CSMD1: variants seen among roughly 807,000 people sequenced by gnomAD.
CSMD1 encodes the protein CUB and Sushi multiple domains 1.
A neutral mutation model predicts 417.5 loss-of-function variants in CSMD1; 213 were observed. The ratio of observed to expected loss-of-function variants is 0.51; its 90% confidence interval spans 0.46 to 0.57. The LOEUF (loss-of-function observed/expected upper bound fraction) is 0.57. CSMD1 is among the 20% of genes least tolerant of loss of function. CSMD1 has a pLI of 0.00. For missense variants in CSMD1, 6,923 were observed against 4,529.7 expected (o/e 1.53, Z -15.17); for synonymous variants, 2,862 against 1,736.8 (o/e 1.65, Z -16.11).
chr8:3,933,719 G>A (rs369842288), intron 5 of CSMD1, among the ~76,000 whole-genome samples: 10 of 152,194 alleles, frequency 6.6e-5, no homozygotes, highest in South Asian at 6.2e-4. Flanking sequence ...GCAAAATTAC[G>A]TTCAAAAATC....
At chr8:3,394,054 A>ATATATATG (rs1563342476) in intron 17 of CSMD1, among the ~76,000 whole-genome samples, 23 of 127,602 alleles carry the variant, frequency 1.8e-4, no homozygotes, top group Non-Finnish European at 2.9e-4. Context: ...ATATATATAT[A>ATATATATG]TAGAAAAAAA....
At chr8:3,399,014 C>T (rs969822330) in intron 16 of CSMD1, among the ~76,000 whole-genome samples, 3 of 152,172 alleles carry the variant, frequency 2.0e-5, no homozygotes, top group Admixed American at 6.5e-5. Context: ...AACAGGAGAG[C>T]TGATTTCCTC....
At chr8:4,372,011 G>T (rs749954878) in intron 3 of CSMD1, among the ~76,000 whole-genome samples, 1 of 152,164 alleles carries the variant, frequency 6.6e-6, no homozygotes, top group African/African-American at 2.4e-5. Flanking sequence ...GAGTTCAAAG[G>T]TTCAGCACGA....
intron 6 of CSMD1, among the ~76,000 whole-genome samples, chr8:3,717,528 G>A (rs556169275): frequency 6.6e-6 from 1 of 152,276 alleles, no homozygotes; most frequent in East Asian, 1.9e-4. Flanking sequence ...ACATGGCCAT[G>A]AAAGATTAGG....
At chr8:4,765,788 G>C (rs1228680699) in intron 1 of CSMD1, among the ~76,000 whole-genome samples, 2 of 152,144 alleles carry the variant, frequency 1.3e-5, no homozygotes, top group African/African-American at 2.4e-5. Context: ...AGAGAGCCTG[G>C]GGGTTGATGA....
intron 3 of CSMD1, among the ~76,000 whole-genome samples, chr8:4,091,664 A>G (rs1300455526): frequency 6.6e-6 from 1 of 152,210 alleles, no homozygotes; most frequent in East Asian, 1.9e-4. Context: ...TTCAAAATCA[A>G]TGCTCACTCC....
intron 1 of CSMD1, among the ~76,000 whole-genome samples, chr8:4,667,623 G>T (rs1191227180): frequency 6.6e-6 from 1 of 151,872 alleles, no homozygotes; most frequent in Non-Finnish European, 1.5e-5. Context: ...GAACGCTATT[G>T]CATATGGGAT....
chr8:4,201,212 A>G (rs1799624588), intron 3 of CSMD1, among the ~76,000 whole-genome samples: 1 of 152,198 alleles, frequency 6.6e-6, no homozygotes, highest in Non-Finnish European at 1.5e-5. Flanking sequence ...AATACATGGC[A>G]CAAAGAAAAT....
At chr8:4,723,200 C>T (rs1014036310) in intron 1 of CSMD1, among the ~76,000 whole-genome samples, 1 of 152,088 alleles carries the variant, frequency 6.6e-6, no homozygotes, top group African/African-American at 2.4e-5. Context: ...GCCAGGAAGT[C>T]ATAGAGTATA....
chr8:4,207,325 G>C (rs978424266), intron 3 of CSMD1, among the ~76,000 whole-genome samples: 1 of 152,088 alleles, frequency 6.6e-6, no homozygotes, highest in Admixed American at 6.6e-5. Flanking sequence ...TAGTGGCTAG[G>C]ACTCGTAATT....
intron 5 of CSMD1, among the ~76,000 whole-genome samples, chr8:3,776,823 T>TATATATATATATATATATAC (rs1173402964): frequency 5.3e-5 from 8 of 151,152 alleles, no homozygotes; most frequent in African/African-American, 2.0e-4. Context: ...TATATATATA[T>TATATATATATATATATATAC]ACAGATGACA....
At chr8:4,632,351 A>T (rs2011137) in intron 2 of CSMD1, among the ~76,000 whole-genome samples, 78,279 of 151,230 alleles carry the variant, frequency 0.52, 21,157 homozygotes, top group Admixed American at 0.67. Context: ...CGTCTCTACT[A>T]AAAATAAAAA....
intron 10 of CSMD1, among the ~76,000 whole-genome samples, chr8:3,494,251 T>A (rs1420673306): frequency 6.6e-6 from 1 of 152,190 alleles, no homozygotes; most frequent in Non-Finnish European, 1.5e-5. Flanking sequence ...TTTGTTTTTT[T>A]ACAAAGAATA....
chr8:4,559,159 C>A (rs947583446), intron 2 of CSMD1, among the ~76,000 whole-genome samples: 4 of 152,082 alleles, frequency 2.6e-5, no homozygotes, highest in African/African-American at 9.7e-5. Context: ...AAGATCTGGT[C>A]TTTGTATTAT....
At chr8:4,169,662 G>A (rs1337428839) in intron 3 of CSMD1, among the ~76,000 whole-genome samples, 1 of 152,106 alleles carries the variant, frequency 6.6e-6, no homozygotes, top group Admixed American at 6.5e-5. Flanking sequence ...GAGAGCCAAC[G>A]CCGGAAGAGC....
At chr8:4,215,413 C>A (rs915367422) in intron 3 of CSMD1, among the ~76,000 whole-genome samples, 5 of 152,206 alleles carry the variant, frequency 3.3e-5, no homozygotes, top group African/African-American at 9.6e-5. Context: ...GATACCATGT[C>A]TGAATCATTA....
chr8:3,453,399 A>T (rs1815882282), intron 12 of CSMD1, among the ~76,000 whole-genome samples: 1 of 151,462 alleles, frequency 6.6e-6, no homozygotes, highest in East Asian at 1.9e-4. Flanking sequence ...TTTAATTGTG[A>T]TGTTAGGATG....
At chr8:4,277,911 CTAAT>C (rs1219906398) in intron 3 of CSMD1, among the ~76,000 whole-genome samples, 1 of 152,028 alleles carries the variant, frequency 6.6e-6, no homozygotes, top group African/African-American at 2.4e-5. Flanking sequence ...CCATCCCCGG[CTAAT>C]TTTTTTGTAT....
At chr8:4,251,334 A>G (rs1803057512) in intron 3 of CSMD1, among the ~76,000 whole-genome samples, 1 of 152,176 alleles carries the variant, frequency 6.6e-6, no homozygotes, top group South Asian at 2.1e-4. Flanking sequence ...ATTATGCCAC[A>G]TTTAATAAAA....
Sources: allele counts gnomAD v4.1 joint callset (sites outside exome capture counted in the v4.1 genomes callset), GRCh38; gene constraint gnomAD v4.1.1; transcripts MANE v1.5; gene names NCBI Gene and HGNC (gene_info 2026-07-23, HGNC 2026-07-21).